Variants in MECOM observed in about 807,000 individuals in gnomAD.
MECOM encodes histone-lysine N-methyltransferase MECOM.
Under a neutral mutation model 116.3 loss-of-function variants are expected in MECOM, and 13 were observed. That is an observed-to-expected ratio of 0.11 (90% confidence interval 0.07 to 0.18). MECOM has a LOEUF of 0.18. Among genes scored for constraint, MECOM ranks in the 10% least tolerant of loss-of-function variants. MECOM has a pLI of 1.00. For missense variants in MECOM, 1,299 were observed against 1,509.0 expected, an observed-to-expected ratio of 0.86 and a Z score of 2.31; for synonymous variants, 528 against 535.2, an observed-to-expected ratio of 0.99 and a Z score of 0.19.
chr3:169,195,088 T>C (rs1279584684), intron 2 of MECOM, among the ~76,000 whole-genome samples: 2 of 152,122 alleles, frequency 1.3e-5, no homozygotes, highest in African/African-American at 4.8e-5. Context: ...CCTGCTCTAT[T>C]TGCATGAACT....
chr3:169,505,941 C>T (rs1356211148), intron 1 of MECOM, among the ~76,000 whole-genome samples: 3 of 152,010 alleles, frequency 2.0e-5, no homozygotes, highest in South Asian at 2.1e-4. Context: ...GAAAGAGTGC[C>T]CCCACAGGCC....
At chr3:169,559,708 G>C (rs1345469) in intron 1 of MECOM, among the ~76,000 whole-genome samples, 1 of 151,904 alleles carries the variant, frequency 6.6e-6, no homozygotes, top group Non-Finnish European at 1.5e-5. Context: ...TTTAAGTAAC[G>C]TAAGTGCCTA....
chr3:169,087,558 C>T (rs1315389649), intron 16 of MECOM, among the ~76,000 whole-genome samples: 2 of 152,162 alleles, frequency 1.3e-5, no homozygotes, highest in Non-Finnish European at 2.9e-5. Context: ...GATTGCACCA[C>T]TGCACTCCAG....
At chr3:169,579,298 G>A (rs528552052) in intron 1 of MECOM, among the ~76,000 whole-genome samples, 8 of 152,282 alleles carry the variant, frequency 5.3e-5, no homozygotes, top group South Asian at 2.1e-4. Context: ...ATGAAGTAGC[G>A]TTGAATTTAG....
intron 2 of MECOM, chr3:169,147,461 C>T (rs1324067335): frequency 1.0e-6 from 1 of 985,326 alleles, no homozygotes; most frequent in Non-Finnish European, 1.2e-6. Context: ...TCCCGCCGCC[C>T]AGAGTGATCT....
intron 2 of MECOM, among the ~76,000 whole-genome samples, chr3:169,167,762 CACAG>C (rs768393589): frequency 1.3e-5 from 2 of 151,982 alleles, no homozygotes; most frequent in African/African-American, 2.4e-5. Flanking sequence ...TATACACATA[CACAG>C]ACACTCACAC....
At chr3:169,094,704 G>A (rs950916163) in intron 13 of MECOM, among the ~76,000 whole-genome samples, 1 of 152,136 alleles carries the variant, frequency 6.6e-6, no homozygotes, top group Admixed American at 6.5e-5. Context: ...TGACATTCTG[G>A]GGCTGCTACT....
chr3:169,279,152 G>A lies in MECOM; in HGVS notation c.375+102035C>T, dbSNP rs58922485. On this transcript the variant is annotated intron_variant, in intron 2 of 16. Transcript: ENST00000651503. ...ATTTCTAAGCATTCTCTCCAAATTA[G>A]GCAGGAGCTTTGCTCCTCCTCACAT... 0.016 allele frequency among the ~76,000 whole-genome samples: 2,466 copies of A among 152,224 alleles called. 114 individuals carry two copies. The East Asian group carries it at 0.18, about 11-fold the overall frequency.
chr3:169,089,236 T>C, intron 15 of MECOM, 53 bp from the exon 16 acceptor site: 1 of 1,301,752 alleles, frequency 7.7e-7, no homozygotes, highest in South Asian at 1.9e-5. Context: ...TGTTATCTAA[T>C]CAAATCACTT....
chr3:169,126,459 G>T (rs1264150921), intron 5 of MECOM, among the ~76,000 whole-genome samples: 3 of 151,376 alleles, frequency 2.0e-5, no homozygotes, highest in Non-Finnish European at 4.4e-5. Flanking sequence ...TTTTAAATTT[G>T]GGCACAATTA....
rs190292453 is a variant in MECOM, at chr3:169,639,166, T to C, written c.37+24170A>G. On this transcript the variant is annotated intron_variant, in intron 1 of 16. Transcript: ENST00000651503. Reference sequence around the variant, plus strand: ...ATAAATGTATTAATCCAGAGAGAAGTTGGGATTTACCTGTTATAGCACCTA... The same window carrying C: ...ATAAATGTATTAATCCAGAGAGAAGCTGGGATTTACCTGTTATAGCACCTA... Among the ~76,000 whole-genome samples the C allele has an allele frequency of 3.7e-3, 559 of 152,144 alleles. 9 individuals carry two copies. In the South Asian group the frequency reaches 0.038, roughly 10 times the overall value.
intron 1 of MECOM, among the ~76,000 whole-genome samples, chr3:169,543,589 T>G (rs1760365019): frequency 1.3e-5 from 2 of 152,278 alleles, no homozygotes; most frequent in East Asian, 3.9e-4. Context: ...GGAAAAACAT[T>G]ATTTGACGAA....
intron 2 of MECOM, among the ~76,000 whole-genome samples, chr3:169,336,940 T>C (rs925997256): frequency 1.3e-5 from 2 of 152,254 alleles, no homozygotes; most frequent in East Asian, 3.9e-4. Context: ...ACTTTAGATA[T>C]TTTTTCCGAG....
intron 2 of MECOM, among the ~76,000 whole-genome samples, chr3:169,336,099 T>C (rs1464394690): frequency 6.6e-6 from 1 of 152,144 alleles, no homozygotes; most frequent in African/African-American, 2.4e-5. Context: ...TATCATTTTA[T>C]ATAAAATAGT....
chr3:169,238,932 A>C (rs1158589088), intron 2 of MECOM, among the ~76,000 whole-genome samples: 1 of 152,112 alleles, frequency 6.6e-6, no homozygotes, highest in African/African-American at 2.4e-5. Context: ...ATAAACCTAG[A>C]ATGTCTCATA....
intron 12 of MECOM, among the ~76,000 whole-genome samples, chr3:169,096,559 C>T (rs900039605): frequency 3.9e-5 from 6 of 152,036 alleles, no homozygotes; most frequent in East Asian, 1.9e-4. Context: ...TGTGAGCCAC[C>T]GCGTCCAGCC....
chr3:169,249,086 G>A (rs1347654313), intron 2 of MECOM, among the ~76,000 whole-genome samples: 1 of 152,120 alleles, frequency 6.6e-6, no homozygotes, highest in Non-Finnish European at 1.5e-5. Context: ...TTACATGTCT[G>A]ATGGCCCACA....
intron 2 of MECOM, among the ~76,000 whole-genome samples, chr3:169,282,993 G>A (rs1468041434): frequency 4.6e-5 from 7 of 151,850 alleles, no homozygotes; most frequent in Non-Finnish European, 7.4e-5. Flanking sequence ...TTTCCATGGG[G>A]ACAATGTTAT....
At chr3:169,383,025 G>A (rs1447933367) in intron 1 of MECOM, among the ~76,000 whole-genome samples, 4 of 151,750 alleles carry the variant, frequency 2.6e-5, no homozygotes, top group African/African-American at 9.7e-5. Context: ...TACCAACCCC[G>A]CAGTTCTATC....
Sources: gnomAD v4.1 joint callset for allele counts (sites outside exome capture counted in the v4.1 genomes callset) on GRCh38, gnomAD v4.1.1 for gene constraint, MANE v1.5 for transcripts, NCBI Gene and HGNC (gene_info 2026-07-23, HGNC 2026-07-21) for gene names.